OXR1: variants seen among roughly 807,000 people sequenced by gnomAD.
OXR1 encodes oxidation resistance 1.
Under a neutral mutation model 104.6 loss-of-function variants are expected in OXR1, and 41 were observed. The ratio of observed to expected loss-of-function variants is 0.39; its 90% CI spans 0.31 to 0.51. The LOEUF (loss-of-function observed/expected upper bound fraction) is 0.51. Ranked by LOEUF, OXR1 falls within the 20% of genes least tolerant of loss-of-function variation. The pLI is 0.77. For missense variants in OXR1, 955 were observed against 1,031.9 expected (o/e 0.93, Z 1.02); for synonymous variants, 348 against 348.4 (o/e 1.00, Z 0.01).
At chr8:106,743,453 C>G (rs1835106593) in intron 15 of OXR1, among the ~76,000 whole-genome samples, 1 of 152,160 alleles carries the variant, frequency 6.6e-6, no homozygotes, top group East Asian at 1.9e-4. Context: ...TCCCAAGTAG[C>G]TGGGATTACA....
At chr8:106,746,813 C>G (rs1010190123) in intron 16 of OXR1, among the ~76,000 whole-genome samples, 1 of 152,074 alleles carries the variant, frequency 6.6e-6, no homozygotes, top group African/African-American at 2.4e-5. Context: ...TCATTCAGCC[C>G]TCCCCTAAAC....
chr8:106,544,604 A>G (rs1258643527), intron 3 of OXR1, among the ~76,000 whole-genome samples: 1 of 152,184 alleles, frequency 6.6e-6, no homozygotes, highest in Admixed American at 6.5e-5. Flanking sequence ...CACTACGAAA[A>G]AGTATTCTGT....
intron 3 of OXR1, among the ~76,000 whole-genome samples, chr8:106,641,086 C>T (rs1308485515): frequency 6.6e-6 from 1 of 152,192 alleles, no homozygotes; most frequent in African/African-American, 2.4e-5. Context: ...ATGACATTTA[C>T]AACATATAAA....
intron 1 of OXR1, among the ~76,000 whole-genome samples, chr8:106,318,887 A>T (rs1191849809): frequency 6.6e-6 from 1 of 152,208 alleles, no homozygotes; most frequent in Non-Finnish European, 1.5e-5. Flanking sequence ...CTATCTCCAG[A>T]TGTTAAAAGT....
chr8:106,518,877 T>G, intron 2 of OXR1, 66 bp from the exon 3 acceptor site: 1 of 1,232,542 alleles, frequency 8.1e-7, no homozygotes, highest in Non-Finnish European at 1.1e-6. Context: ...GAAAAAAAAT[T>G]ATAAACATGG....
intron 2 of OXR1, among the ~76,000 whole-genome samples, chr8:106,411,547 C>T (rs1818457952): frequency 6.6e-6 from 1 of 152,116 alleles, no homozygotes; most frequent in South Asian, 2.1e-4. Context: ...AAGAGAGGGT[C>T]GCTAAGCTTT....
At chr8:106,549,898 T>G (rs1353516431) in intron 3 of OXR1, among the ~76,000 whole-genome samples, 1 of 152,188 alleles carries the variant, frequency 6.6e-6, no homozygotes, top group Non-Finnish European at 1.5e-5. Flanking sequence ...CAATCCTATT[T>G]TATCTCCTGC....
intron 3 of OXR1, among the ~76,000 whole-genome samples, chr8:106,571,729 A>G (rs187283009): frequency 2.8e-4 from 43 of 152,310 alleles, no homozygotes; most frequent in Non-Finnish European, 4.0e-4. Flanking sequence ...ATTCATCCTG[A>G]AGCAAAATTG....
chr8:106,588,688 C>T (rs1158503399), intron 3 of OXR1, among the ~76,000 whole-genome samples: 2 of 151,864 alleles, frequency 1.3e-5, no homozygotes, highest in Non-Finnish European at 2.9e-5. Context: ...ACCATCTTGG[C>T]CAGGCTGGTC....
intron 3 of OXR1, among the ~76,000 whole-genome samples, chr8:106,581,706 T>C (rs367710632): frequency 1.3e-5 from 2 of 151,884 alleles, no homozygotes; most frequent in African/African-American, 4.8e-5. Context: ...TCTTAAAAAA[T>C]TGCTTGTATG....
At chr8:106,658,249 C>T in intron 3 of OXR1, 2 of 1,227,666 alleles carry the variant, frequency 1.6e-6, no homozygotes, top group Non-Finnish European at 2.0e-6. Context: ...GGGGAGGCGG[C>T]GGTCGTGGCG....
At chr8:106,547,636 G>A (rs1815473094) in intron 3 of OXR1, among the ~76,000 whole-genome samples, 1 of 151,774 alleles carries the variant, frequency 6.6e-6, no homozygotes. Flanking sequence ...GGGATAACAG[G>A]TGCACATGAC....
intron 1 of OXR1, among the ~76,000 whole-genome samples, chr8:106,347,765 G>A (rs1815559532): frequency 6.6e-6 from 1 of 152,026 alleles, no homozygotes; most frequent in South Asian, 2.1e-4. Context: ...TTCATTGACT[G>A]TCATTTGTTA....
At chr8:106,298,923 A>ATGTG (rs36103627) in intron 1 of OXR1, among the ~76,000 whole-genome samples, 1,557 of 150,138 alleles carry the variant, frequency 0.01, 16 homozygotes, top group South Asian at 0.058. Flanking sequence ...TTATATATAT[A>ATGTG]TGTGTGTGTG....
At chr8:106,511,017 G>A (rs1324397718) in intron 2 of OXR1, among the ~76,000 whole-genome samples, 1 of 152,162 alleles carries the variant, frequency 6.6e-6, no homozygotes, top group Non-Finnish European at 1.5e-5. Flanking sequence ...CTGTTTAAGG[G>A]CACAAAGAAT....
At chr8:106,581,115 CTAGACT>C in intron 3 of OXR1, 1 of 1,254,960 alleles carries the variant, frequency 8.0e-7, no homozygotes, top group East Asian at 5.6e-5. Flanking sequence ...CAAAGACAGT[CTAGACT>C]TAAAGATTTA....
At chr8:106,559,084 C>G (rs1816489422) in intron 3 of OXR1, among the ~76,000 whole-genome samples, 2 of 152,156 alleles carry the variant, frequency 1.3e-5, no homozygotes, top group South Asian at 4.1e-4. Context: ...ATGCCACGCT[C>G]TCAACACTTT....
chr8:106,548,930 A>G (rs1421820599), intron 3 of OXR1, among the ~76,000 whole-genome samples: 1 of 152,238 alleles, frequency 6.6e-6, no homozygotes, highest in Non-Finnish European at 1.5e-5. Context: ...CTAAACATCC[A>G]ATCACAGAAT....
intron 1 of OXR1, among the ~76,000 whole-genome samples, chr8:106,358,142 C>T (rs767489015): frequency 6.6e-5 from 10 of 152,170 alleles, no homozygotes; most frequent in Admixed American, 4.6e-4. Flanking sequence ...CAGACATATT[C>T]GCTGGAGCTC....
Sources: allele counts gnomAD v4.1 joint callset (sites outside exome capture counted in the v4.1 genomes callset), GRCh38; gene constraint gnomAD v4.1.1; transcripts MANE v1.5; gene names NCBI Gene and HGNC (gene_info 2026-07-23, HGNC 2026-07-21).